The following CARMIL1 variants were observed in gnomAD, a reference collection of about 807,000 sequenced individuals.
The protein encoded by CARMIL1 is F-actin-uncapping protein LRRC16A.
A neutral mutation model predicts 177.1 loss-of-function variants in CARMIL1; 90 were observed. That is an observed-to-expected ratio of 0.51 (90% confidence interval 0.43 to 0.61). The LOEUF (loss-of-function observed/expected upper bound fraction) is 0.61, where lower values mean the gene tolerates loss of function less well. Ranked by LOEUF, CARMIL1 falls within the 20% of genes least tolerant of loss-of-function variation. The pLI, the probability that CARMIL1 is intolerant of heterozygous loss-of-function variation, is 0.00. For missense variants in CARMIL1, 1,380 were observed against 1,667.0 expected, an observed-to-expected ratio of 0.83 and a Z score of 3.00; for synonymous variants, 577 against 606.2, an observed-to-expected ratio of 0.95 and a Z score of 0.71.
chr6:25,381,822 T>C (rs1791577510), intron 2 of CARMIL1, among the ~76,000 whole-genome samples: 1 of 152,168 alleles, frequency 6.6e-6, no homozygotes, highest in Admixed American at 6.5e-5. Flanking sequence ...TCACTGGTCA[T>C]TGGTGATTAG....
In CARMIL1 at chr6:25,333,498, C is replaced by T. The variant is rs188456570; in HGVS notation, c.138+48589C>T. 2.6e-5 allele frequency among the ~76,000 whole-genome samples: 4 copies of T among 152,284 alleles called. No homozygotes were observed. In the East Asian group the frequency reaches 7.7e-4, roughly 29 times the overall value. On this transcript the variant is annotated intron_variant, in intron 2 of 36. Coordinates refer to ENST00000329474, the MANE Select transcript of CARMIL1 (RefSeq NM_017640.6). ...GGGGCATCGCTTGAGCCTGGAAGGT[C>T]GAGGCTCCTGTGAGCCAAGATTGTG... is the stretch of plus-strand genomic sequence containing the variant.
At chr6:25,299,251 A>G (rs541328652) in intron 2 of CARMIL1, among the ~76,000 whole-genome samples, 2 of 150,032 alleles carry the variant, frequency 1.3e-5, no homozygotes, top group African/African-American at 4.9e-5. Flanking sequence ...GCTCACTGCA[A>G]CTTCTGCCTC....
intron 29 of CARMIL1, among the ~76,000 whole-genome samples, chr6:25,562,102 C>T (rs1811171679): frequency 6.6e-6 from 1 of 152,026 alleles, no homozygotes; most frequent in Non-Finnish European, 1.5e-5. Context: ...AGTCCTTTGT[C>T]AAAATGCCGG....
At chr6:25,542,048 A>G (rs1270711680) in intron 26 of CARMIL1, among the ~76,000 whole-genome samples, 1 of 152,200 alleles carries the variant, frequency 6.6e-6, no homozygotes, top group African/African-American at 2.4e-5. Flanking sequence ...TAAATTGTGT[A>G]TTCATATCCG....
rs1231459666 is a variant in CARMIL1, at chr6:25,314,244, G to A, written c.138+29335G>A. Among the ~76,000 whole-genome samples, 5 of 127,388 alleles carry A rather than the reference G, an allele frequency of 3.9e-5. No homozygotes were observed. The South Asian group carries it at 1.1e-3, about 28-fold the overall frequency. The allele number at this position is 127,388 out of a possible 152,430, so 83.6% of individuals were successfully genotyped here. On this transcript the variant is annotated intron_variant, in intron 2 of 36. Transcript: ENST00000329474. ...CATCCCAGCACTTTGGGAGGCCGAGGCGGGTGGATCACGAGGTCAGGAGCC... is the reference window on the plus strand; with the variant it reads ...CATCCCAGCACTTTGGGAGGCCGAGACGGGTGGATCACGAGGTCAGGAGCC...
At chr6:25,425,013 A>G (rs1796167825) in intron 3 of CARMIL1, among the ~76,000 whole-genome samples, 2 of 152,226 alleles carry the variant, frequency 1.3e-5, no homozygotes, top group South Asian at 4.1e-4. Context: ...GAAGGTATGT[A>G]TACTTTTTAG....
chr6:25,419,158 G>T (rs1207716567), intron 2 of CARMIL1, among the ~76,000 whole-genome samples: 4 of 152,176 alleles, frequency 2.6e-5, no homozygotes, highest in Non-Finnish European at 4.4e-5. Flanking sequence ...TGAGGTCCCA[G>T]TGTTCTTAAC....
intron 2 of CARMIL1, among the ~76,000 whole-genome samples, chr6:25,400,487 T>A (rs1028407817): frequency 4.6e-5 from 7 of 152,334 alleles, no homozygotes; most frequent in Non-Finnish European, 7.4e-5. Flanking sequence ...TATTGTCACC[T>A]TTTGTTGTAA....
chr6:25,396,230 A>T (rs1317259324), intron 2 of CARMIL1, among the ~76,000 whole-genome samples: 1 of 152,118 alleles, frequency 6.6e-6, no homozygotes, highest in Non-Finnish European at 1.5e-5. Context: ...ATACATCTAA[A>T]TTTAATAGTA....
intron 8 of CARMIL1, among the ~76,000 whole-genome samples, chr6:25,457,493 T>TATA (rs560023605): frequency 7.3e-4 from 111 of 152,304 alleles, no homozygotes; most frequent in Non-Finnish European, 1.4e-3. Context: ...TGTCTCTATA[T>TATA]AAGTTAGGAT....
intron 29 of CARMIL1, 121 bp downstream of exon 29, chr6:25,556,971 A>G: frequency 9.7e-7 from 1 of 1,027,782 alleles, no homozygotes; most frequent in Non-Finnish European, 1.4e-6. Flanking sequence ...CCCCACCCTC[A>G]GACAATTCTT....
At chr6:25,486,796 A>G (rs528940131) in intron 12 of CARMIL1, among the ~76,000 whole-genome samples, 77 of 152,228 alleles carry the variant, frequency 5.1e-4, no homozygotes, top group African/African-American at 1.8e-3. Context: ...ACTGGCCTTC[A>G]GTGAGTAAGA....
chr6:25,586,286 T>C (rs1813669906), intron 31 of CARMIL1, among the ~76,000 whole-genome samples: 3 of 122,130 alleles, frequency 2.5e-5, no homozygotes, highest in South Asian at 2.9e-4. Context: ...GGGGTGGCGG[T>C]TGGGCAGAGA....
chr6:25,572,820 T>G (rs1286968430), intron 29 of CARMIL1, among the ~76,000 whole-genome samples: 1 of 152,098 alleles, frequency 6.6e-6, no homozygotes, highest in Non-Finnish European at 1.5e-5. Flanking sequence ...AGATTTTTCA[T>G]GAAAAATAAA....
intron 2 of CARMIL1, among the ~76,000 whole-genome samples, chr6:25,409,061 A>T (rs1441617929): frequency 6.6e-6 from 1 of 152,202 alleles, no homozygotes; most frequent in Non-Finnish European, 1.5e-5. Flanking sequence ...ATTGGTCTGG[A>T]TTCAAAGCCC....
intron 2 of CARMIL1, among the ~76,000 whole-genome samples, chr6:25,408,363 G>A (rs1267981000): frequency 6.6e-6 from 1 of 151,158 alleles, no homozygotes; most frequent in African/African-American, 2.4e-5. Flanking sequence ...GTTTGACATG[G>A]TATAATCTCA....
intron 9 of CARMIL1, among the ~76,000 whole-genome samples, chr6:25,468,064 A>C (rs1800776146): frequency 6.6e-6 from 1 of 152,144 alleles, no homozygotes; most frequent in Non-Finnish European, 1.5e-5. Context: ...CTCAAGTTAT[A>C]TGAGCTCTCT....
intron 31 of CARMIL1, among the ~76,000 whole-genome samples, chr6:25,589,895 C>G (rs548561590): frequency 2.6e-5 from 4 of 152,300 alleles, no homozygotes; most frequent in South Asian, 4.2e-4. Context: ...ATCTTATTCT[C>G]AGGCAAGGTC....
chr6:25,352,152 T>TA (rs71744522), intron 2 of CARMIL1, among the ~76,000 whole-genome samples: 22 of 144,140 alleles, frequency 1.5e-4, no homozygotes, highest in South Asian at 8.9e-4. Flanking sequence ...TTGGATACAG[T>TA]AAAAAAAAAA....
Sources: allele counts gnomAD v4.1 joint callset (sites outside exome capture counted in the v4.1 genomes callset), GRCh38; gene constraint gnomAD v4.1.1; transcripts MANE v1.5; gene names NCBI Gene and HGNC (gene_info 2026-07-23, HGNC 2026-07-21).